The following ARHGEF38 variants were observed in gnomAD, a reference collection of about 807,000 sequenced individuals.
ARHGEF38 encodes Rho guanine nucleotide exchange factor 38, also known as Rho guanine nucleotide exchange factor (GEF) 38.
ARHGEF38 carries 79 observed loss-of-function variants against 79.9 expected under a neutral mutation model. That is an observed-to-expected ratio of 0.99 (90% CI 0.82 to 1.19). The LOEUF (loss-of-function observed/expected upper bound fraction) is 1.19, where lower values mean the gene tolerates loss of function less well. ARHGEF38 is among the 50% of genes most tolerant of loss of function. ARHGEF38 has a pLI of 0.00. For missense variants in ARHGEF38, 962 were observed against 907.2 expected, an observed-to-expected ratio of 1.06 and a Z score of -0.78; for synonymous variants, 366 against 328.3, an observed-to-expected ratio of 1.11 and a Z score of -1.24.
At chr4:105,576,407 CT>C (rs35502329) in intron 1 of ARHGEF38, among the ~76,000 whole-genome samples, 81,764 of 128,208 alleles carry the variant, frequency 0.64, 25,363 homozygotes, top group East Asian at 0.86. Flanking sequence ...TTCTTTTCTT[CT>C]TTTTTTTTTT....
intron 5 of ARHGEF38, among the ~76,000 whole-genome samples, chr4:105,641,330 G>A (rs1318014041): frequency 6.6e-6 from 1 of 152,056 alleles, no homozygotes; most frequent in Non-Finnish European, 1.5e-5. Context: ...TTTGCAAAAT[G>A]ATTAAACATT....
rs1263089931 is a variant in ARHGEF38 at position 105,680,304 on chromosome 4, T to C, written c.*2367T>C. ...AGTCACCACATATCTACTAATGGGATTAAAATGTACAATCCTAAAAGCTTA... is the reference window on the plus strand; with the variant it reads ...AGTCACCACATATCTACTAATGGGACTAAAATGTACAATCCTAAAAGCTTA... On this transcript the variant is annotated 3_prime_UTR_variant, in exon 14 of 14. Coordinates refer to ENST00000420470, the MANE Select transcript of ARHGEF38 (RefSeq NM_001242729.2). 1.3e-5 allele frequency: 4 copies of C among 319,260 alleles called. No individual in the cohort carries two copies. The South Asian group carries it at 1.3e-4, about 10-fold the overall frequency. The allele number at this position is 319,260 out of a possible 1,614,324, so 19.8% of individuals were successfully genotyped here.
chr4:105,609,366 T>C (rs1331791961), intron 2 of ARHGEF38, among the ~76,000 whole-genome samples: 1 of 152,110 alleles, frequency 6.6e-6, no homozygotes, highest in Non-Finnish European at 1.5e-5. Context: ...TCTGTTATTA[T>C]GCTGGTACCA....
In ARHGEF38 at chr4:105,680,016, C is replaced by A; in HGVS notation, c.*2079C>A. ...CATTCTGTTTTGTGCGGATTCATGG[C>A]CATGTCAGTTACATTCTTCTTCGTC... On this transcript the variant is annotated 3_prime_UTR_variant, in exon 14 of 14. Transcript: ENST00000420470. The A allele has an allele frequency of 1.0e-6, 1 of 1,003,154 alleles. No homozygotes were observed. Among genetic ancestry groups the A allele is most frequent in the South Asian group, 1.3e-5 (1 of 78,898 alleles). The allele number at this position is 1,003,154 out of a possible 1,614,324, so 62.1% of individuals were successfully genotyped here.
chr4:105,614,501 G>A (rs779532692), intron 3 of ARHGEF38, among the ~76,000 whole-genome samples: 2 of 152,074 alleles, frequency 1.3e-5, no homozygotes, highest in Non-Finnish European at 2.9e-5. Context: ...AAAATGTCAT[G>A]GAACTGGTCT....
intron 1 of ARHGEF38, among the ~76,000 whole-genome samples, chr4:105,581,034 G>T (rs1232078630): frequency 9.2e-5 from 14 of 152,116 alleles, no homozygotes; most frequent in Non-Finnish European, 1.6e-4. Context: ...AATAGAGACT[G>T]TAAGGAAGAA....
At chr4:105,569,465 G>T (rs973789) in intron 1 of ARHGEF38, among the ~76,000 whole-genome samples, 5 of 152,132 alleles carry the variant, frequency 3.3e-5, no homozygotes, top group Non-Finnish European at 7.4e-5. Context: ...CCAAGGAAAA[G>T]AAAAAGAGGG....
chr4:105,681,323 TTG>T (rs955399358), downstream of ARHGEF38, among the ~76,000 whole-genome samples: 14 of 152,036 alleles, frequency 9.2e-5, no homozygotes, highest in African/African-American at 3.4e-4. Flanking sequence ...TTTAAAAGCT[TTG>T]TGTTTACAGA....
chr4:105,571,025 G>A (rs776999246), intron 1 of ARHGEF38, among the ~76,000 whole-genome samples: 4 of 152,190 alleles, frequency 2.6e-5, no homozygotes, highest in Non-Finnish European at 4.4e-5. Flanking sequence ...GAGGGAGGAA[G>A]AAATGCATAA....
chr4:105,558,168 G>T (rs1725341926), intron 1 of ARHGEF38, among the ~76,000 whole-genome samples: 1 of 152,168 alleles, frequency 6.6e-6, no homozygotes, highest in African/African-American at 2.4e-5. Context: ...AACAGATTGT[G>T]CCATGTGGGG....
chr4:105,664,906 C>T (rs985544048), intron 10 of ARHGEF38, among the ~76,000 whole-genome samples: 7 of 152,116 alleles, frequency 4.6e-5, no homozygotes, highest in African/African-American at 1.4e-4. Context: ...ATCTCATTTT[C>T]TTCCCCCATT....
chr4:105,656,577 T>C (rs1175425871), intron 9 of ARHGEF38, among the ~76,000 whole-genome samples: 1 of 152,184 alleles, frequency 6.6e-6, no homozygotes, highest in African/African-American at 2.4e-5. Flanking sequence ...AATATTAATT[T>C]TAATTTAGTG....
chr4:105,566,410 A>T (rs1483667781), intron 1 of ARHGEF38, among the ~76,000 whole-genome samples: 1 of 152,092 alleles, frequency 6.6e-6, no homozygotes, highest in Non-Finnish European at 1.5e-5. Flanking sequence ...CTACAGTTTT[A>T]ATTTTTTTAT....
chr4:105,631,823 C>T, intron 4 of ARHGEF38: 1 of 370,124 alleles, frequency 2.7e-6, no homozygotes, highest in South Asian at 1.1e-4. Context: ...AAGCTTAAAG[C>T]CAAAATCACT....
intron 3 of ARHGEF38, among the ~76,000 whole-genome samples, chr4:105,619,448 C>T: frequency 6.6e-6 from 1 of 152,128 alleles, no homozygotes; most frequent in South Asian, 2.1e-4. Context: ...TTGACCCATA[C>T]AATTGTGAGC....
chr4:105,672,053 A>G (rs1295895595), intron 13 of ARHGEF38, among the ~76,000 whole-genome samples: 1 of 152,116 alleles, frequency 6.6e-6, no homozygotes, highest in African/African-American at 2.4e-5. Flanking sequence ...TCATTCACAT[A>G]TAGGCAATTT....
In ARHGEF38 at chr4:105,634,186, A is replaced by G. The variant is rs1054930548; in HGVS notation, c.657-2217A>G. Among the ~76,000 whole-genome samples the G allele has an allele frequency of 2.0e-5, 3 of 152,138 alleles. No individual in the cohort carries two copies. In the South Asian group the frequency reaches 6.2e-4, roughly 31 times the overall value. Reference sequence around the variant, plus strand: ...CAAGCCACCTCAGGTGATTTTCCATACACACTCAAGTTAAGAACTAAATTA... The same window carrying G: ...CAAGCCACCTCAGGTGATTTTCCATGCACACTCAAGTTAAGAACTAAATTA... On this transcript the variant is annotated intron_variant, in intron 4 of 13. Coordinates refer to ENST00000420470, the MANE Select transcript of ARHGEF38 (RefSeq NM_001242729.2).
At position 105,655,734 on chromosome 4, in the gene ARHGEF38, A is replaced by G. The variant is rs766327527; in HGVS notation, c.1233+12A>G. 2.6e-6 allele frequency: 4 copies of G among 1,531,854 alleles called. No individual in the cohort carries two copies. The highest frequency in any genetic ancestry group is 1.2e-5 in the South Asian group (1 of 82,784). The allele number at this position is 1,531,854 out of a possible 1,614,324, so 94.9% of individuals were successfully genotyped here. On this transcript the variant is annotated intron_variant, in intron 9 of 13. Transcript: ENST00000420470. ...CGTGTCATGACTTTGTAAGTTATTT[A>G]TATTCACAGATAAATGCAAATTAAA...
chr4:105,590,154 A>G (rs1473642516), intron 2 of ARHGEF38, among the ~76,000 whole-genome samples: 4 of 150,376 alleles, frequency 2.7e-5, no homozygotes, highest in Admixed American at 6.6e-5. Flanking sequence ...GAAAGAAAGA[A>G]AGAGAGAGAG....
Sources: allele counts gnomAD v4.1 joint callset (sites outside exome capture counted in the v4.1 genomes callset), GRCh38; gene constraint gnomAD v4.1.1; transcripts MANE v1.5; gene names NCBI Gene and HGNC (gene_info 2026-07-23, HGNC 2026-07-21).